ZC3H12B: variants seen among roughly 807,000 people sequenced by gnomAD.
ZC3H12B encodes the protein probable ribonuclease ZC3H12B.
In ZC3H12B, 7 loss-of-function variants were observed where a neutral mutation model predicts 43.9. The ratio of observed to expected loss-of-function variants is 0.16; its 90% confidence interval spans 0.09 to 0.30. The LOEUF (loss-of-function observed/expected upper bound fraction) is 0.30, where lower values mean the gene tolerates loss of function less well. ZC3H12B is among the 10% of genes least tolerant of loss of function. The probability of loss-of-function intolerance (pLI) is 1.00; values close to 1 mark genes in which losing one functional copy is unlikely to be tolerated. For synonymous variants in ZC3H12B, 222 were observed against 241.7 expected (o/e 0.92, Z 0.76); for missense variants, 475 against 670.2 (o/e 0.71, Z 3.22).
chrX:65,248,061 G>T, the ZC3H12B span, among the ~76,000 whole-genome samples: 3 of 109,279 alleles, frequency 2.7e-5, no homozygotes, highest in Non-Finnish European at 3.8e-5. Context: ...TTTTTTTTTT[G>T]TGGTGGAGTC....
At chrX:65,368,657 T>C (rs2066206151) in intron 1 of ZC3H12B, among the ~76,000 whole-genome samples, 172 bp from the exon 4 acceptor site, 1 of 112,118 alleles carries the variant, frequency 8.9e-6, no homozygotes, top group Non-Finnish European at 1.9e-5. Context: ...ACATCTTGGA[T>C]TAGCACAATT....
the ZC3H12B span, among the ~76,000 whole-genome samples, chrX:65,258,762 A>G: frequency 1.8e-5 from 2 of 111,840 alleles, no homozygotes; most frequent in Non-Finnish European, 3.8e-5. Flanking sequence ...TAGCATTCCT[A>G]TACACCAACA....
At chrX:65,293,801 GACAAAGA>G in the ZC3H12B span, among the ~76,000 whole-genome samples, 1 of 111,327 alleles carries the variant, frequency 9.0e-6, no homozygotes, top group Non-Finnish European at 1.9e-5. Context: ...ATCCAAGAAA[GACAAAGA>G]ACAAAGAATT....
the ZC3H12B span, among the ~76,000 whole-genome samples, chrX:65,197,433 A>C: frequency 8.9e-6 from 1 of 112,255 alleles, no homozygotes; most frequent in Admixed American, 9.4e-5. Context: ...ACCTCTTTCT[A>C]ATAATGGCCA....
the ZC3H12B span, among the ~76,000 whole-genome samples, chrX:65,100,278 A>T: frequency 9.1e-6 from 1 of 110,435 alleles, no homozygotes; most frequent in African/African-American, 3.3e-5. Flanking sequence ...ACTGAAAGTG[A>T]TGGGGAGAAT....
chrX:65,345,560 G>A, the ZC3H12B span, among the ~76,000 whole-genome samples: 76 of 111,345 alleles, frequency 6.8e-4, no homozygotes, highest in African/African-American at 2.3e-3. Context: ...AGTGTGGGAG[G>A]AGGGAGAAGA....
the ZC3H12B span, among the ~76,000 whole-genome samples, chrX:65,306,866 G>A: frequency 8.9e-6 from 1 of 112,269 alleles, no homozygotes; most frequent in Admixed American, 9.4e-5. Context: ...ATTGATACAT[G>A]CCACAAATTA....
chrX:65,309,319 C>G, the ZC3H12B span, among the ~76,000 whole-genome samples: 8 of 111,438 alleles, frequency 7.2e-5, no homozygotes, highest in African/African-American at 2.3e-4. Flanking sequence ...GGGATATCAC[C>G]ACTGATCCCA....
the ZC3H12B span, among the ~76,000 whole-genome samples, chrX:65,211,921 T>A: frequency 1.3e-5 from 1 of 74,191 alleles, no homozygotes; most frequent in East Asian, 4.2e-4. Context: ...GTATACTATA[T>A]AATATATAAT....
chrX:65,129,404 A>G, the ZC3H12B span, among the ~76,000 whole-genome samples: 1 of 109,461 alleles, frequency 9.1e-6, no homozygotes, highest in African/African-American at 3.3e-5. Flanking sequence ...AAAAAGAGTC[A>G]GCAAAGGGAG....
intron 3 of ZC3H12B, among the ~76,000 whole-genome samples, chrX:65,472,976 GTATATATATATATATATATATGTATATA>G (rs1328415838): frequency 5.4e-5 from 4 of 73,485 alleles, no homozygotes; most frequent in African/African-American, 8.0e-5. Context: ...GTATGTGTGT[GTATATATATATATATATATATGTATATA>G]TATATATATA....
the ZC3H12B span, among the ~76,000 whole-genome samples, chrX:65,044,037 G>A: frequency 4.7e-4 from 53 of 111,861 alleles, 1 homozygote; most frequent in Middle Eastern, 0.018. Context: ...TTGCAATCTA[G>A]AGGATGTTAC....
chrX:65,346,964 C>T, the ZC3H12B span, among the ~76,000 whole-genome samples: 5 of 112,279 alleles, frequency 4.5e-5, no homozygotes, highest in Admixed American at 1.9e-4. Flanking sequence ...AAGGGTCAGA[C>T]TGCCTCCTCA....
the ZC3H12B span, among the ~76,000 whole-genome samples, chrX:65,307,189 A>T: frequency 8.9e-6 from 1 of 112,496 alleles, no homozygotes; most frequent in South Asian, 3.6e-4. Context: ...AAAGGTGTTT[A>T]GAGTTTTGAC....
At position 65,448,636 on chromosome X, in the gene ZC3H12B, G is replaced by T. The variant is rs771986209; in HGVS notation, n.408-40010G>T. Among the ~76,000 whole-genome samples the T allele has an allele frequency of 3.6e-5, 4 of 110,600 alleles. No homozygotes were observed. The South Asian group carries it at 1.2e-3, about 32-fold the overall frequency. On this transcript the variant is annotated intron_variant and non_coding_transcript_variant, in intron 3 of 5. Transcript: ENST00000617377. ...TTTTAAGCCCAGCCTGGCCAACATG[G>T]TGAAACCCCATCTCTACTAAAAATA...
the ZC3H12B span, among the ~76,000 whole-genome samples, chrX:65,046,450 G>T: frequency 9.0e-6 from 1 of 111,586 alleles, no homozygotes; most frequent in Non-Finnish European, 1.9e-5. Flanking sequence ...ATCAATTTCT[G>T]CTAGCTTCCA....
chrX:65,089,441 A>G, the ZC3H12B span, among the ~76,000 whole-genome samples: 8 of 112,114 alleles, frequency 7.1e-5, no homozygotes, highest in South Asian at 3.0e-3. Context: ...GATACCTACC[A>G]TGAATGGAGC....
At chrX:65,158,240 T>C in the ZC3H12B span, among the ~76,000 whole-genome samples, 5 of 110,401 alleles carry the variant, frequency 4.5e-5, no homozygotes, top group South Asian at 3.9e-4. Context: ...CATACGTGTG[T>C]ATGTGTCTTT....
chrX:65,265,385 A>C, the ZC3H12B span, among the ~76,000 whole-genome samples: 70 of 112,233 alleles, frequency 6.2e-4, no homozygotes, highest in African/African-American at 2.1e-3. Context: ...TCAAGTTTTT[A>C]AATTAGTGTA....
Sources: allele counts gnomAD v4.1 joint callset (sites outside exome capture counted in the v4.1 genomes callset), GRCh38; gene constraint gnomAD v4.1.1; transcripts MANE v1.5; gene names NCBI Gene and HGNC (gene_info 2026-07-23, HGNC 2026-07-21).